Variants in SH3GL1 observed in about 807,000 individuals in gnomAD.
SH3GL1 encodes the protein SH3 domain containing GRB2 like 1, endophilin A2, also known as endophilin-A2.
SH3GL1 carries 21 observed loss-of-function variants against 48.8 expected under a neutral mutation model. The observed-to-expected ratio is 0.43, with a 90% CI of 0.30 to 0.62. The LOEUF is 0.62. SH3GL1 is among the 20% of genes least tolerant of loss of function. The pLI is 0.11. For synonymous variants in SH3GL1, 282 were observed against 217.5 expected, an observed-to-expected ratio of 1.30 and a Z score of -2.61; for missense variants, 454 against 503.0, an observed-to-expected ratio of 0.90 and a Z score of 0.93.
chr19:4,376,901 C>T lies in SH3GL1; in HGVS notation c.46-9907G>A, dbSNP rs1973019739. 6.6e-6 allele frequency among the ~76,000 whole-genome samples: 1 copy of T among 152,234 alleles called. No homozygotes were observed. Among genetic ancestry groups the T allele is most frequent in the African/African-American group, 2.4e-5 (1 of 41,456 alleles). ...CCCTAGAATAAAGGACCCCGGGCAA[C>T]CTCTTGGGGGTCCTCGCCACATCCC... On this transcript the variant is annotated intron_variant, in intron 1 of 9. Coordinates refer to ENST00000269886, the MANE Select transcript of SH3GL1 (RefSeq NM_003025.4). This position sits in a 1 kb window ranked among gnomAD's most constrained non-coding sequence, Gnocchi z 4.3.
chr19:4,372,502 C>T (rs943894549), intron 1 of SH3GL1, among the ~76,000 whole-genome samples: 47 of 152,106 alleles, frequency 3.1e-4, no homozygotes, highest in Admixed American at 1.6e-3. Context: ...AATACAGGGT[C>T]GGGGTGGAGG....
Position 4,362,403 on chromosome 19 carries a change from G to T in SH3GL1, c.854-18C>A. 1 of 1,607,086 alleles carries T rather than the reference G, an allele frequency of 6.2e-7. No individual in the cohort carries two copies. The highest frequency in any genetic ancestry group is 8.5e-7 in the Non-Finnish European group (1 of 1,176,444). ...CGATGAAGCTAAACACAAGCAAAAC[G>T]AGGAGGCTGTGGGCTCAAAACGGTC... On this transcript the variant is annotated intron_variant, in intron 8 of 9. Transcript: ENST00000269886.
At chr19:4,369,221 G>C (rs1461013383) in intron 1 of SH3GL1, among the ~76,000 whole-genome samples, 1 of 152,186 alleles carries the variant, frequency 6.6e-6, no homozygotes, top group Non-Finnish European at 1.5e-5. Flanking sequence ...GGAGGAAGGA[G>C]CCCCCCCTCC....
At chr19:4,378,991 C>G (rs957113286) in intron 1 of SH3GL1, among the ~76,000 whole-genome samples, 4 of 152,260 alleles carry the variant, frequency 2.6e-5, no homozygotes, top group Non-Finnish European at 4.4e-5. Flanking sequence ...CCAGGAAAAA[C>G]TGGCTACAGC....
chr19:4,400,237 G>T lies in SH3GL1; in HGVS notation c.45+87C>A. 7.0e-7 allele frequency: 1 copy of T among 1,431,214 alleles called. No homozygotes were observed. The allele number at this position is 1,431,214 out of a possible 1,614,324, so 88.7% of individuals were successfully genotyped here. A position where few individuals can be genotyped will look rare whatever the true frequency, so the allele number is the denominator to read the frequency against. On this transcript the variant is annotated intron_variant, in intron 1 of 9. Coordinates refer to ENST00000269886, the MANE Select transcript of SH3GL1 (RefSeq NM_003025.4). The surrounding 1 kb of genome is among the most constrained non-coding windows in gnomAD (Gnocchi z 4.1). ...CAACGTCCCCACCTCGGTCCCCCCGGCCCCCTCCCGGGCCAGGTCGGGCCT... is the reference window on the plus strand; with the variant it reads ...CAACGTCCCCACCTCGGTCCCCCCGTCCCCCTCCCGGGCCAGGTCGGGCCT...
chr19:4,374,683 G>A (rs933231885), intron 1 of SH3GL1, among the ~76,000 whole-genome samples: 14 of 152,194 alleles, frequency 9.2e-5, no homozygotes, highest in East Asian at 1.9e-4. Context: ...TGCCCTTCCC[G>A]TGCTGTGGCC....
chr19:4,373,560 G>A (rs1263225296), intron 1 of SH3GL1, among the ~76,000 whole-genome samples: 3 of 152,222 alleles, frequency 2.0e-5, no homozygotes, highest in South Asian at 2.1e-4. Context: ...TTGGGCACCC[G>A]GGGACAGCCA....
Position 4,367,478 on chromosome 19 carries a change from C to T in SH3GL1, c.46-484G>A, listed in dbSNP as rs950369557. Among the ~76,000 whole-genome samples the T allele has an allele frequency of 4.6e-5, 7 of 152,056 alleles. No homozygotes were observed. Among genetic ancestry groups the T allele is most frequent in the Non-Finnish European group, 7.4e-5 (5 of 67,984 alleles). ...GAGAGGCAGCAGGAGCTGACAGTTA[C>T]GAGAAGAGGTGCAGGCAGCCGGGCA... On this transcript the variant is annotated intron_variant, in intron 1 of 9. Coordinates refer to ENST00000269886, the MANE Select transcript of SH3GL1 (RefSeq NM_003025.4). This position sits in a 1 kb window ranked among gnomAD's most constrained non-coding sequence, Gnocchi z 4.2.
rs1205023321 is a variant in SH3GL1, at chr19:4,367,140, C to T, written c.46-146G>A. 4 of 544,650 alleles carry T rather than the reference C, an allele frequency of 7.3e-6. No individual in the cohort carries two copies. Among genetic ancestry groups the T allele is most frequent in the African/African-American group, 1.9e-5 (1 of 51,836 alleles). The allele number at this position is 544,650 out of a possible 1,614,324, so 33.7% of individuals were successfully genotyped here. On this transcript the variant is annotated intron_variant, in intron 1 of 9. Coordinates refer to ENST00000269886, the MANE Select transcript of SH3GL1 (RefSeq NM_003025.4). This position sits in a 1 kb window ranked among gnomAD's most constrained non-coding sequence, Gnocchi z 4.2. Reference sequence around the variant, plus strand: ...TCAGGACACACACCTCAGGCACTGCCGTGGGCACCCCAGGGCCACACGCTG... The same window carrying T: ...TCAGGACACACACCTCAGGCACTGCTGTGGGCACCCCAGGGCCACACGCTG...
At chr19:4,380,700 T>G (rs1973103799) in intron 1 of SH3GL1, among the ~76,000 whole-genome samples, 1 of 151,954 alleles carries the variant, frequency 6.6e-6, no homozygotes, top group African/African-American at 2.4e-5. Flanking sequence ...GGGTGTGTGG[T>G]CCCCTCAGGC....
chr19:4,363,161 C>T (rs1311416128), intron 7 of SH3GL1, among the ~76,000 whole-genome samples: 4 of 152,198 alleles, frequency 2.6e-5, no homozygotes, highest in Admixed American at 6.5e-5. Flanking sequence ...GGGCCTGCAT[C>T]GGGGCAGGGC....
At chr19:4,365,846 C>G (rs969957800) in intron 3 of SH3GL1, among the ~76,000 whole-genome samples, 5 of 152,198 alleles carry the variant, frequency 3.3e-5, no homozygotes, top group Non-Finnish European at 7.4e-5. Flanking sequence ...CCTCAGGGGG[C>G]AAAACCTCCT....
At chr19:4,372,651 G>A (rs1240562507) in intron 1 of SH3GL1, among the ~76,000 whole-genome samples, 2 of 152,160 alleles carry the variant, frequency 1.3e-5, no homozygotes, top group Non-Finnish European at 2.9e-5. Flanking sequence ...TTCCCTGCTG[G>A]CCCAACACCT....
At chr19:4,396,886 GAAGATA>G (rs1437412807) in intron 1 of SH3GL1, among the ~76,000 whole-genome samples, 1 of 152,142 alleles carries the variant, frequency 6.6e-6, no homozygotes. Flanking sequence ...TGTTTTACAG[GAAGATA>G]AATGTCCCCT....
In SH3GL1 at chr19:4,367,507, A is replaced by AGGCC. The variant is rs1431413659; in HGVS notation, c.46-517_46-514dup. 1.1e-4 allele frequency among the ~76,000 whole-genome samples: 16 copies of AGGCC among 151,984 alleles called. No individual in the cohort carries two copies. The highest frequency in any genetic ancestry group is 3.9e-4 in the African/African-American group (16 of 41,454). On this transcript the variant is annotated intron_variant, in intron 1 of 9. Coordinates refer to ENST00000269886, the MANE Select transcript of SH3GL1 (RefSeq NM_003025.4). This position sits in a 1 kb window ranked among gnomAD's most constrained non-coding sequence, Gnocchi z 4.2. ...AAGAGGTGCAGGCAGCCGGGCAGGG[A>AGGCC]GGCCGCCATTCTCCTGTGCTCTGGT...
At chr19:4,382,253 CTT>C (rs34085741) in intron 1 of SH3GL1, among the ~76,000 whole-genome samples, 5 of 102,344 alleles carry the variant, frequency 4.9e-5, no homozygotes, top group African/African-American at 1.1e-4. Context: ...GCTCCGCTTT[CTT>C]TTTTTTTTTT....
At chr19:4,364,565 G>T in intron 4 of SH3GL1, 1 of 298,672 alleles carries the variant, frequency 3.3e-6, no homozygotes, top group Non-Finnish European at 6.5e-6. Flanking sequence ...TGAGTAAGGG[G>T]GATTACAGGG....
Position 4,376,462 on chromosome 19 carries a change from C to T in SH3GL1, c.46-9468G>A, listed in dbSNP as rs1038031761. Among the ~76,000 whole-genome samples the T allele has an allele frequency of 1.3e-5, 2 of 152,142 alleles. No homozygotes were observed. The highest frequency in any genetic ancestry group is 4.8e-5 in the African/African-American group (2 of 41,422). Reference sequence around the variant, plus strand: ...TTTGGCCTCCAGTGCTTGCCTCTCCCGTGTCCTATCCGCCCAGACCTCAGA... The same window carrying T: ...TTTGGCCTCCAGTGCTTGCCTCTCCTGTGTCCTATCCGCCCAGACCTCAGA... On this transcript the variant is annotated intron_variant, in intron 1 of 9. Transcript: ENST00000269886. This position sits in a 1 kb window ranked among gnomAD's most constrained non-coding sequence, Gnocchi z 4.3.
chr19:4,365,475 C>T lies in SH3GL1; in HGVS notation c.331+7G>A. The T allele has an allele frequency of 6.2e-7, 1 of 1,613,386 alleles. No individual in the cohort carries two copies. The highest frequency in any genetic ancestry group is 1.1e-5 in the South Asian group (1 of 91,066). Reference sequence around the variant, plus strand: ...GGTGGGCGTGGCTTCCAGAGAGCACCACTCACCAAAGTTGGACTCGCCGCC... The same window carrying T: ...GGTGGGCGTGGCTTCCAGAGAGCACTACTCACCAAAGTTGGACTCGCCGCC... On this transcript the variant is annotated splice_region_variant and intron_variant, in intron 4 of 9. Coordinates refer to ENST00000269886, the MANE Select transcript of SH3GL1 (RefSeq NM_003025.4).
Sources: allele counts gnomAD v4.1 joint callset (sites outside exome capture counted in the v4.1 genomes callset), GRCh38; gene constraint gnomAD v4.1.1; non-coding constraint Gnocchi (gnomAD v3.1); transcripts MANE v1.5; gene names NCBI Gene and HGNC (gene_info 2026-07-23, HGNC 2026-07-21).